NRTN: variants seen among roughly 807,000 people sequenced by gnomAD.
NRTN encodes neurturin, also known as prepro-neurturin.
Under a neutral mutation model 7.5 loss-of-function variants are expected in NRTN, and 3 were observed. That is an observed-to-expected ratio of 0.40 (90% confidence interval 0.18 to 1.03). The LOEUF is 1.03. NRTN is among the 50% of genes least tolerant of loss of function. The probability of loss-of-function intolerance (pLI) is 0.34; values close to 1 mark genes in which losing one functional copy is unlikely to be tolerated. For synonymous variants in NRTN, 157 were observed against 146.6 expected, an observed-to-expected ratio of 1.07 and a Z score of -0.51; for missense variants, 310 against 307.0, an observed-to-expected ratio of 1.01 and a Z score of -0.07.
chr19:5,820,884 C>T (rs1490401593), intron 1 of NRTN, among the ~76,000 whole-genome samples: 2 of 151,964 alleles, frequency 1.3e-5, no homozygotes, highest in East Asian at 3.9e-4. Flanking sequence ...GCACGAGCTG[C>T]TTCATCCCCT....
At chr19:5,820,208 G>A (rs2057018880) in intron 1 of NRTN, among the ~76,000 whole-genome samples, 1 of 140,546 alleles carries the variant, frequency 7.1e-6, no homozygotes, top group African/African-American at 2.9e-5. Context: ...GGAGGTTGCA[G>A]TGAGCCAAGA....
At chr19:5,820,704 C>G (rs1268902784) in intron 1 of NRTN, among the ~76,000 whole-genome samples, 1 of 137,032 alleles carries the variant, frequency 7.3e-6, no homozygotes, top group Non-Finnish European at 1.5e-5. Context: ...GCTCCACACT[C>G]CAGCCTGGGC....
At chr19:5,819,506 AC>A (rs1360884219) in intron 1 of NRTN, among the ~76,000 whole-genome samples, 1 of 152,120 alleles carries the variant, frequency 6.6e-6, no homozygotes, top group Non-Finnish European at 1.5e-5. Flanking sequence ...TACTAAAAAT[AC>A]AAAAAATTAG....
rs2056976500 is a variant in NRTN at position 5,806,841 on chromosome 19, C to T, written c.-399+1390C>T. ...GGGAGCGAACAGAGGAGACAGCTTT[C>T]AAGAGCTGGGCAGAAGGGACTCAAA... On this transcript the variant is annotated intron_variant, in intron 1 of 2. Transcript: ENST00000303212. This position sits in a 1 kb window ranked among gnomAD's most constrained non-coding sequence, Gnocchi z 5.4. Among the ~76,000 whole-genome samples the T allele has an allele frequency of 1.3e-5, 2 of 152,176 alleles. No individual in the cohort carries two copies. The highest frequency in any genetic ancestry group is 2.4e-5 in the African/African-American group (1 of 41,432).
At chr19:5,825,389 CTTTGGG>C (rs1022793116) in intron 2 of NRTN, among the ~76,000 whole-genome samples, 5 of 152,202 alleles carry the variant, frequency 3.3e-5, no homozygotes, top group Non-Finnish European at 5.9e-5. Context: ...TGTGCAGCGC[CTTTGGG>C]TGTGGGCCAC....
At chr19:5,822,744 T>C (rs2057029905) in intron 1 of NRTN, among the ~76,000 whole-genome samples, 1 of 152,194 alleles carries the variant, frequency 6.6e-6, no homozygotes, top group Non-Finnish European at 1.5e-5. Flanking sequence ...CTCACGCCTG[T>C]AATCCCAGCT....
intron 1 of NRTN, among the ~76,000 whole-genome samples, chr19:5,810,749 T>C (rs562544125): frequency 5.5e-4 from 83 of 151,532 alleles, no homozygotes; most frequent in African/African-American, 2.0e-3. Context: ...GCCAACATGG[T>C]GAAACCCCAT....
rs2056986237 is a variant in NRTN at position 5,810,289 on chromosome 19, T to G, written c.-399+4838T>G. Among the ~76,000 whole-genome samples the G allele has an allele frequency of 2.0e-5, 3 of 151,526 alleles. No homozygotes were observed. In the South Asian group the frequency reaches 6.3e-4, roughly 32 times the overall value. On this transcript the variant is annotated intron_variant, in intron 1 of 2. Coordinates refer to ENST00000303212, the MANE Select transcript of NRTN (RefSeq NM_004558.5). ...TCAAAAAAAAAAAAAAAAAAATTTT[T>G]TTTTGTAAAGACAGAGTCTTGCTAT...
chr19:5,827,507 G>C (rs2057050834), intron 2 of NRTN, among the ~76,000 whole-genome samples: 1 of 151,192 alleles, frequency 6.6e-6, no homozygotes, highest in Non-Finnish European at 1.5e-5. Context: ...GGTTCAGAAA[G>C]GGGTTTTGGA....
intron 1 of NRTN, among the ~76,000 whole-genome samples, chr19:5,818,782 C>T (rs1179226492): frequency 2.0e-5 from 3 of 152,074 alleles, no homozygotes; most frequent in African/African-American, 4.8e-5. Flanking sequence ...CACCTGGTCG[C>T]GTCCGTGCCA....
chr19:5,815,737 GTT>G (rs372274776), intron 1 of NRTN, among the ~76,000 whole-genome samples: 1,801 of 120,328 alleles, frequency 0.015, 25 homozygotes, highest in African/African-American at 0.052. Context: ...CGCCCGGCCT[GTT>G]TTTTTTTTTT....
At chr19:5,819,990 G>A (rs1315387241) in intron 1 of NRTN, among the ~76,000 whole-genome samples, 1 of 152,208 alleles carries the variant, frequency 6.6e-6, no homozygotes, top group African/African-American at 2.4e-5. Context: ...ATGATGGCCA[G>A]GCACGGTGGC....
At chr19:5,808,692 C>G (rs2056980889) in intron 1 of NRTN, among the ~76,000 whole-genome samples, 1 of 151,938 alleles carries the variant, frequency 6.6e-6, no homozygotes, top group African/African-American at 2.4e-5. Context: ...CACGGTCCTG[C>G]CTCCGAGCCT....
chr19:5,810,699 C>T (rs557519130), intron 1 of NRTN, among the ~76,000 whole-genome samples: 28 of 151,294 alleles, frequency 1.9e-4, no homozygotes, highest in South Asian at 4.2e-4. Flanking sequence ...TTTGGGAGGC[C>T]GAGGCGGGCG....
At chr19:5,805,952 C>T (rs1200234521) in intron 1 of NRTN, among the ~76,000 whole-genome samples, 2 of 152,064 alleles carry the variant, frequency 1.3e-5, no homozygotes, top group Non-Finnish European at 2.9e-5. Context: ...GCCGCCGCCG[C>T]CGCCGGGGAC....
rs978970183 is a variant in NRTN at position 5,820,092 on chromosome 19, C to G, written c.-398-3676C>G. Among the ~76,000 whole-genome samples the G allele has an allele frequency of 1.1e-4, 17 of 148,748 alleles. 1 individual carries two copies. The highest frequency in any genetic ancestry group is 4.3e-4 in the African/African-American group (17 of 39,602). ...CCATCCTGGCTAACATGGTGAAACC[C>G]TGTCTCTACTAAAAATACAAAAATT... is the stretch of plus-strand genomic sequence containing the variant. On this transcript the variant is annotated intron_variant, in intron 1 of 2. Transcript: ENST00000303212.
At position 5,817,714 on chromosome 19, in the gene NRTN, AGTGT is replaced by A. The variant is rs571618876; in HGVS notation, c.-398-6048_-398-6045del. ...GTTTCAATGCGTGTGAAAAAGTCCA[AGTGT>A]GTGTGAGTGTGAGGACAACCCAGGA... On this transcript the variant is annotated intron_variant, in intron 1 of 2. Coordinates refer to ENST00000303212, the MANE Select transcript of NRTN (RefSeq NM_004558.5). Among the ~76,000 whole-genome samples, 4 of 152,178 alleles carry A rather than the reference AGTGT, an allele frequency of 2.6e-5. No individual in the cohort carries two copies. In the South Asian group the frequency reaches 8.3e-4, roughly 32 times the overall value.
At chr19:5,810,019 A>C (rs2056985058) in intron 1 of NRTN, among the ~76,000 whole-genome samples, 1 of 151,816 alleles carries the variant, frequency 6.6e-6, no homozygotes, top group Non-Finnish European at 1.5e-5. Context: ...TAATCCCAGC[A>C]CTTTGGGAGG....
intron 1 of NRTN, among the ~76,000 whole-genome samples, chr19:5,818,354 TGA>T (rs1380753694): frequency 1.3e-5 from 2 of 149,664 alleles, no homozygotes; most frequent in South Asian, 2.1e-4. Context: ...TGTGAGTGTG[TGA>T]GTGTGTGTAT....
Sources: allele counts gnomAD v4.1 joint callset (sites outside exome capture counted in the v4.1 genomes callset), GRCh38; gene constraint gnomAD v4.1.1; non-coding constraint Gnocchi (gnomAD v3.1); transcripts MANE v1.5; gene names NCBI Gene and HGNC (gene_info 2026-07-23, HGNC 2026-07-21).